Variants in TNRC6B observed in about 807,000 individuals in gnomAD.
TNRC6B encodes the protein trinucleotide repeat containing adaptor 6B.
Under a neutral mutation model 203.6 loss-of-function variants are expected in TNRC6B, and 52 were observed. The ratio of observed to expected loss-of-function variants is 0.26; its 90% CI spans 0.20 to 0.32. The LOEUF is 0.32. Ranked by LOEUF, TNRC6B falls within the 10% of genes least tolerant of loss-of-function variation. The pLI is 1.00. For missense variants in TNRC6B, 1,923 were observed against 2,286.2 expected (o/e 0.84, Z 3.24); for synonymous variants, 838 against 845.7 (o/e 0.99, Z 0.16).
chr22:40,183,426 C>T (rs1035080469), intron 1 of TNRC6B, among the ~76,000 whole-genome samples: 1 of 152,180 alleles, frequency 6.6e-6, no homozygotes, highest in Admixed American at 6.5e-5. Flanking sequence ...TCTCTTTATT[C>T]AAGTCCCTAC....
At chr22:40,179,771 C>T (rs2069108801) in intron 1 of TNRC6B, among the ~76,000 whole-genome samples, 1 of 152,162 alleles carries the variant, frequency 6.6e-6, no homozygotes, top group African/African-American at 2.4e-5. Context: ...AAGCTTTATT[C>T]ACTCTTAAAA....
chr22:40,162,662 C>T (rs1253697462), intron 4 of TNRC6B, among the ~76,000 whole-genome samples: 1 of 152,132 alleles, frequency 6.6e-6, no homozygotes, highest in African/African-American at 2.4e-5. Context: ...GTTTTTCCCC[C>T]TTTAAACCAT....
At chr22:40,173,821 T>G (rs1398365652), upstream of TNRC6B, among the ~76,000 whole-genome samples, 1 of 97,702 alleles carries the variant, frequency 1.0e-5, no homozygotes, top group Non-Finnish European at 2.0e-5. Flanking sequence ...TTTTTTTTTT[T>G]GAGACAGAAT....
chr22:40,100,593 C>T (rs2068231067), intron 1 of TNRC6B, among the ~76,000 whole-genome samples: 1 of 152,126 alleles, frequency 6.6e-6, no homozygotes, highest in Admixed American at 6.6e-5. Context: ...TTGGGTCTTA[C>T]CAGGCAGAAC....
intron 1 of TNRC6B, among the ~76,000 whole-genome samples, chr22:40,059,984 T>G (rs1363860144): frequency 6.6e-6 from 1 of 151,582 alleles, no homozygotes; most frequent in Non-Finnish European, 1.5e-5. Context: ...CACCATTGCC[T>G]AGCTAAGTTT....
intron 1 of TNRC6B, among the ~76,000 whole-genome samples, chr22:40,220,861 G>C (rs1017099785): frequency 6.6e-6 from 1 of 152,136 alleles, no homozygotes. Context: ...GACTGGACTC[G>C]TTGGTCTAAT....
At chr22:40,294,497 T>C (rs2070913068) in intron 12 of TNRC6B, among the ~76,000 whole-genome samples, 1 of 152,214 alleles carries the variant, frequency 6.6e-6, no homozygotes, top group Admixed American at 6.5e-5. Flanking sequence ...CTTGAGTGCA[T>C]CTACAAAGAC....
At chr22:40,296,640 T>TA (rs1331509071) in intron 12 of TNRC6B, among the ~76,000 whole-genome samples, 2 of 151,006 alleles carry the variant, frequency 1.3e-5, no homozygotes, top group African/African-American at 4.9e-5. Flanking sequence ...CCTTTTTTTT[T>TA]TTTTCCTTAT....
At position 40,285,539 on chromosome 22, in the gene TNRC6B, G is replaced by A. The variant is rs779100124; in HGVS notation, c.3583-106G>A. 11 of 1,359,598 alleles carry A rather than the reference G, an allele frequency of 8.1e-6. No homozygotes were observed. The South Asian group carries it at 1.2e-4, about 15-fold the overall frequency. 84.2% of individuals were successfully genotyped at this position (1,359,598 alleles called of 1,614,324 possible). A position where few individuals can be genotyped will look rare whatever the true frequency, so the allele number is the denominator to read the frequency against. On this transcript the variant is annotated intron_variant, in intron 11 of 22. Transcript: ENST00000454349. ...AGTTACAAAATTCTGTTATTCCATCGAACACAGCCTGTGATTCTTCTGAGG... is the reference window on the plus strand; with the variant it reads ...AGTTACAAAATTCTGTTATTCCATCAAACACAGCCTGTGATTCTTCTGAGG...
intron 3 of TNRC6B, among the ~76,000 whole-genome samples, chr22:40,138,663 TAGAG>T (rs1304921829): frequency 2.6e-5 from 4 of 152,010 alleles, no homozygotes; most frequent in Admixed American, 1.3e-4. Flanking sequence ...TAGAGCTCAG[TAGAG>T]AGAGAGGACA....
At position 40,177,982 on chromosome 22, in the gene TNRC6B, A is replaced by G; in HGVS notation, c.-154A>G. 2.0e-6 allele frequency: 3 copies of G among 1,491,362 alleles called. No homozygotes were observed. The highest frequency in any genetic ancestry group is 2.8e-5 in the South Asian group (2 of 72,450). The allele number at this position is 1,491,362 out of a possible 1,614,324, so 92.4% of individuals were successfully genotyped here. On this transcript the variant is annotated 5_prime_UTR_variant, in exon 1 of 23. Coordinates refer to ENST00000454349, the MANE Select transcript of TNRC6B (RefSeq NM_001162501.2). ...AGAGTGTGTGAGAGAGAGTTAGTTC[A>G]AGCCAAAATGGCCGACAGAGTCTCT...
chr22:40,185,171 A>G lies in TNRC6B; in HGVS notation c.5+7031A>G, dbSNP rs565787600. Among the ~76,000 whole-genome samples the G allele has an allele frequency of 6.6e-5, 10 of 152,178 alleles. No individual in the cohort carries two copies. In the Middle Eastern group the frequency reaches 0.024, roughly 362 times the overall value. ...ACGGCCAGCTAATTTTTGTATTTTT[A>G]GTAGAGACGAGGTTTCACCATGTTG... On this transcript the variant is annotated intron_variant, in intron 1 of 22. Transcript: ENST00000454349.
At chr22:40,143,045 T>A (rs894383458) in intron 3 of TNRC6B, among the ~76,000 whole-genome samples, 1 of 152,190 alleles carries the variant, frequency 6.6e-6, no homozygotes, top group African/African-American at 2.4e-5. Flanking sequence ...CTTGGTAACA[T>A]GCAAAAAGCA....
At chr22:40,317,858 G>GAT (rs1281953478) in intron 21 of TNRC6B, among the ~76,000 whole-genome samples, 1 of 152,198 alleles carries the variant, frequency 6.6e-6, no homozygotes, top group Non-Finnish European at 1.5e-5. Context: ...AAAGGAGTCT[G>GAT]TTATGCCTCC....
At chr22:40,300,364 T>G in intron 12 of TNRC6B, 91 bp from the exon 13 acceptor site, 1 of 1,257,082 alleles carries the variant, frequency 8.0e-7, no homozygotes. Flanking sequence ...TGCTTTAGAT[T>G]CATCAAGATT....
At chr22:40,280,985 A>G in intron 10 of TNRC6B, 134 bp from the exon 11 acceptor site, 2 of 693,320 alleles carry the variant, frequency 2.9e-6, no homozygotes, top group South Asian at 2.5e-5. Flanking sequence ...TATCAGATCC[A>G]AATTCCATCC....
intron 3 of TNRC6B, among the ~76,000 whole-genome samples, chr22:40,259,487 G>T (rs540117141): frequency 2.0e-4 from 31 of 152,306 alleles, no homozygotes; most frequent in African/African-American, 6.5e-4. Flanking sequence ...CTCCCAAAGT[G>T]CTGGGATTAC....
intron 1 of TNRC6B, among the ~76,000 whole-genome samples, chr22:40,077,115 G>A (rs2068022639): frequency 6.6e-6 from 1 of 151,550 alleles, no homozygotes; most frequent in Non-Finnish European, 1.5e-5. Context: ...GAGAGGGGAG[G>A]GGAGGGGAGG....
intron 1 of TNRC6B, among the ~76,000 whole-genome samples, chr22:40,089,841 C>T (rs905468716): frequency 1.3e-5 from 2 of 152,174 alleles, no homozygotes; most frequent in Non-Finnish European, 2.9e-5. Flanking sequence ...TCTGCTCCAC[C>T]TAGTCATCCC....
Sources: allele counts gnomAD v4.1 joint callset (sites outside exome capture counted in the v4.1 genomes callset), GRCh38; gene constraint gnomAD v4.1.1; transcripts MANE v1.5; gene names NCBI Gene and HGNC (gene_info 2026-07-23, HGNC 2026-07-21).